Variants in CD96 observed in about 807,000 individuals in gnomAD.
The protein encoded by CD96 is CD96 molecule.
CD96 carries 70 observed loss-of-function variants against 71.3 expected under a neutral mutation model. The observed-to-expected ratio is 0.98, with a 90% CI of 0.81 to 1.20. The LOEUF (loss-of-function observed/expected upper bound fraction) is 1.20, where lower values mean the gene tolerates loss of function less well. Ranked by LOEUF, CD96 falls within the 50% of genes most tolerant of loss-of-function variation. CD96 has a pLI of 0.00. For missense variants in CD96, 742 were observed against 677.5 expected, an observed-to-expected ratio of 1.10 and a Z score of -1.06; for synonymous variants, 248 against 233.0, an observed-to-expected ratio of 1.06 and a Z score of -0.59.
intron 12 of CD96, among the ~76,000 whole-genome samples, chr3:111,645,417 A>C (rs923458379): frequency 1.3e-5 from 2 of 152,126 alleles, no homozygotes; most frequent in African/African-American, 2.4e-5. Context: ...AATATGATGC[A>C]CTGTATACTG....
intron 5 of CD96, among the ~76,000 whole-genome samples, chr3:111,597,390 A>C (rs1937307384): frequency 6.6e-6 from 1 of 152,208 alleles, no homozygotes; most frequent in South Asian, 2.1e-4. Flanking sequence ...CTGCTTTCAT[A>C]ATATAGTTAC....
At chr3:111,585,229 T>G in intron 4 of CD96, 94 bp from the exon 5 acceptor site, 1 of 532,694 alleles carries the variant, frequency 1.9e-6, no homozygotes, top group East Asian at 3.3e-5. Flanking sequence ...ATTTAATGAA[T>G]GAAGATGCTT....
chr3:111,599,320 A>G (rs923116403), intron 6 of CD96, among the ~76,000 whole-genome samples: 1 of 152,156 alleles, frequency 6.6e-6, no homozygotes, highest in Non-Finnish European at 1.5e-5. Context: ...TAATGAGTGT[A>G]TTGATCACTT....
At chr3:111,609,167 G>A (rs1489801037) in intron 8 of CD96, among the ~76,000 whole-genome samples, 1 of 152,190 alleles carries the variant, frequency 6.6e-6, no homozygotes, top group Non-Finnish European at 1.5e-5. Context: ...TGACAAAGAT[G>A]TTTATGGGCA....
intron 4 of CD96, 55 bp from the exon 5 acceptor site, chr3:111,585,268 G>A (rs923566051): frequency 2.0e-6 from 2 of 1,011,828 alleles, no homozygotes; most frequent in African/African-American, 1.6e-5. Flanking sequence ...ACACACACTA[G>A]TGGCCAGGTA....
intron 12 of CD96, among the ~76,000 whole-genome samples, chr3:111,639,280 C>T (rs1317665321): frequency 3.3e-5 from 5 of 152,076 alleles, no homozygotes; most frequent in African/African-American, 4.8e-5. Context: ...GGGCTGTTGG[C>T]GGGGTGGGGG....
intron 3 of CD96, among the ~76,000 whole-genome samples, chr3:111,577,999 G>T (rs781140981): frequency 3.9e-5 from 6 of 152,172 alleles, no homozygotes; most frequent in African/African-American, 7.2e-5. Context: ...TACCTTAAAA[G>T]CAATTGTCCT....
intron 8 of CD96, among the ~76,000 whole-genome samples, chr3:111,610,226 C>CT (rs1937847570): frequency 6.6e-6 from 1 of 152,196 alleles, no homozygotes; most frequent in African/African-American, 2.4e-5. Context: ...ATAAACTTAT[C>CT]TTTTTGGAAT....
At chr3:111,618,183 T>TA (rs1559759733) in intron 8 of CD96, among the ~76,000 whole-genome samples, 3 of 152,154 alleles carry the variant, frequency 2.0e-5, no homozygotes, top group Non-Finnish European at 4.4e-5. Flanking sequence ...AGGTGTGGGA[T>TA]CCAGGCTGGT....
intron 14 of CD96, among the ~76,000 whole-genome samples, chr3:111,657,597 G>A (rs1490333094): frequency 6.6e-6 from 1 of 152,078 alleles, no homozygotes; most frequent in Admixed American, 6.5e-5. Flanking sequence ...AAGCAATTTT[G>A]AAACATTGTT....
chr3:111,624,478 C>T (rs190058255), intron 10 of CD96, 74 bp downstream of exon 10: 208 of 849,238 alleles, frequency 2.4e-4, no homozygotes, highest in Non-Finnish European at 3.8e-4. Context: ...TGAACGACAT[C>T]TATGTGCTTT....
chr3:111,611,476 C>T (rs765872236), intron 8 of CD96, among the ~76,000 whole-genome samples: 13 of 152,196 alleles, frequency 8.5e-5, no homozygotes, highest in South Asian at 2.1e-4. Flanking sequence ...AACAGGGGAA[C>T]GCCAGAGAGA....
chr3:111,560,136 C>A (rs1935309018), intron 2 of CD96, among the ~76,000 whole-genome samples: 1 of 151,392 alleles, frequency 6.6e-6, no homozygotes, highest in Non-Finnish European at 1.5e-5. Flanking sequence ...GAATACAACA[C>A]ACTGATGGGT....
At chr3:111,580,426 A>G (rs1458798086) in intron 4 of CD96, among the ~76,000 whole-genome samples, 2 of 150,524 alleles carry the variant, frequency 1.3e-5, no homozygotes, top group African/African-American at 4.9e-5. Context: ...TCAATTTTAA[A>G]GAAGGCAAAG....
intron 10 of CD96, among the ~76,000 whole-genome samples, chr3:111,632,009 A>G (rs1412700611): frequency 6.6e-6 from 1 of 152,140 alleles, no homozygotes; most frequent in Non-Finnish European, 1.5e-5. Flanking sequence ...ACCCAAAACT[A>G]TAAAAACCCT....
intron 13 of CD96, among the ~76,000 whole-genome samples, chr3:111,648,092 CT>C (rs57648312): frequency 0.23 from 35,348 of 152,060 alleles, 4,564 homozygotes; most frequent in African/African-American, 0.35. Context: ...TTTCCAGCTG[CT>C]TTTTTTACCA....
At chr3:111,637,319 A>C (rs1034033770) in intron 11 of CD96, 58 bp downstream of exon 11, 3 of 928,118 alleles carry the variant, frequency 3.2e-6, no homozygotes, top group African/African-American at 3.2e-5. Flanking sequence ...TTATTTGGAC[A>C]CAGGTGTAAA....
chr3:111,593,590 C>T, intron 5 of CD96: 1 of 1,549,094 alleles, frequency 6.5e-7, no homozygotes. Context: ...GCTCTTTCTC[C>T]CGCTGGCATG....
chr3:111,641,646 G>A (rs1326772133), intron 12 of CD96, among the ~76,000 whole-genome samples: 2 of 152,106 alleles, frequency 1.3e-5, no homozygotes, highest in African/African-American at 4.8e-5. Flanking sequence ...GAAACAAATG[G>A]ACTTAACAGA....
Sources: gnomAD v4.1 joint callset for allele counts (sites outside exome capture counted in the v4.1 genomes callset) on GRCh38, gnomAD v4.1.1 for gene constraint, MANE v1.5 for transcripts, NCBI Gene and HGNC (gene_info 2026-07-23, HGNC 2026-07-21) for gene names.